BDNF: variants seen among roughly 807,000 people sequenced by gnomAD.
BDNF encodes neurotrophic factor BDNF precursor form.
A neutral mutation model predicts 19.5 loss-of-function variants in BDNF; 1 was observed. The observed-to-expected ratio is 0.05, with a 90% confidence interval of 0.02 to 0.24. The LOEUF (loss-of-function observed/expected upper bound fraction) is 0.24, where lower values mean the gene tolerates loss of function less well. Ranked by LOEUF, BDNF falls within the 10% of genes least tolerant of loss-of-function variation. The pLI, the probability that BDNF is intolerant of heterozygous loss-of-function variation, is 1.00. For missense variants in BDNF, 195 were observed against 317.6 expected (o/e 0.61, Z 2.93); for synonymous variants, 100 against 121.6 (o/e 0.82, Z 1.17).
chr11:27,693,802 T>G (rs1027546370), intron 1 of BDNF, among the ~76,000 whole-genome samples: 1 of 152,182 alleles, frequency 6.6e-6, no homozygotes, highest in African/African-American at 2.4e-5. Context: ...CAAAGGCACA[T>G]GAAGGCAGAA....
At chr11:27,697,164 C>CAGAGAGAGAG (rs72348822) in intron 1 of BDNF, among the ~76,000 whole-genome samples, 142 of 133,162 alleles carry the variant, frequency 1.1e-3, no homozygotes, top group African/African-American at 3.1e-3. Context: ...CACACACACA[C>CAGAGAGAGAG]AGAGAGAGAG....
intron 1 of BDNF, among the ~76,000 whole-genome samples, chr11:27,705,903 C>G (rs1860088783): frequency 6.6e-6 from 1 of 152,170 alleles, no homozygotes; most frequent in Non-Finnish European, 1.5e-5. Context: ...TACATTTTAG[C>G]CCTTTACATG....
Position 27,656,926 on chromosome 11 carries a change from TAAAAC to T in BDNF, c.*890_*894del, listed in dbSNP as rs777469809. The T allele has an allele frequency of 6.1e-4, 596 of 985,018 alleles. 1 individual carries two copies. The highest frequency in any genetic ancestry group is 1.0e-3 in the Middle Eastern group (2 of 1,910). The allele number at this position is 985,018 out of a possible 1,614,324, so 61.0% of individuals were successfully genotyped here. A position where few individuals can be genotyped will look rare whatever the true frequency, so the allele number is the denominator to read the frequency against. On this transcript the variant is annotated 3_prime_UTR_variant, in exon 2 of 2. Transcript: ENST00000356660. ...GAACGCGCAACTGATTTTTCTTCCTTAAAACAAAACAAAGAGGAGACCAGAGGGGG... is the reference window on the plus strand; with the variant it reads ...GAACGCGCAACTGATTTTTCTTCCTTAAAACAAAGAGGAGACCAGAGGGGG...
chr11:27,677,345 T>C (rs1306336123), intron 1 of BDNF: 2 of 152,226 alleles, frequency 1.3e-5, no homozygotes, highest in Non-Finnish European at 2.9e-5. Context: ...AATTGACAGA[T>C]ATAGGTGCAT....
intron 1 of BDNF, among the ~76,000 whole-genome samples, chr11:27,683,858 ATTTT>A (rs1275217449): frequency 4.6e-5 from 7 of 151,564 alleles, no homozygotes; most frequent in Non-Finnish European, 8.9e-5. Context: ...CAGCTTGTTC[ATTTT>A]GCTTAGGATT....
chr11:27,715,439 T>C (rs943859791), intron 1 of BDNF, among the ~76,000 whole-genome samples: 7 of 152,320 alleles, frequency 4.6e-5, no homozygotes, highest in Non-Finnish European at 1.0e-4. Context: ...ATTTGTTTTT[T>C]GGGGAATTAG....
intron 1 of BDNF, among the ~76,000 whole-genome samples, chr11:27,662,792 A>G (rs923331901): frequency 3.9e-5 from 6 of 152,218 alleles, no homozygotes; most frequent in Non-Finnish European, 8.8e-5. Context: ...CTCACTTCCT[A>G]CTGTGCAGCC....
intron 1 of BDNF, among the ~76,000 whole-genome samples, chr11:27,683,477 T>C (rs1857102194): frequency 6.6e-6 from 1 of 152,214 alleles, no homozygotes; most frequent in East Asian, 1.9e-4. Flanking sequence ...ATGAAGTCTT[T>C]GCCATGCCTA....
chr11:27,673,968 A>G (rs1048462505), intron 1 of BDNF: 2 of 1,410,406 alleles, frequency 1.4e-6, no homozygotes, highest in South Asian at 1.6e-5. Flanking sequence ...TCTAGAGACC[A>G]AAGAATAACA....
At position 27,656,517 on chromosome 11, in the gene BDNF, A is replaced by G; in HGVS notation, c.*1304T>C. The G allele has an allele frequency of 6.1e-6, 6 of 982,568 alleles. No homozygotes were observed. The highest frequency in any genetic ancestry group is 7.3e-6 in the Non-Finnish European group (6 of 827,268). The allele number at this position is 982,568 out of a possible 1,614,324, so 60.9% of individuals were successfully genotyped here. On this transcript the variant is annotated 3_prime_UTR_variant, in exon 2 of 2. Transcript: ENST00000356660. ...TGGAATGTCTCAAATACCATGCCCCACCTCCACCTAGACCTTGGGATGGCC... is the reference window on the plus strand; with the variant it reads ...TGGAATGTCTCAAATACCATGCCCCGCCTCCACCTAGACCTTGGGATGGCC...
intron 1 of BDNF, among the ~76,000 whole-genome samples, chr11:27,662,209 C>T (rs1463651912): frequency 1.3e-5 from 2 of 152,152 alleles, no homozygotes; most frequent in African/African-American, 4.8e-5. Context: ...CCATGTTGGC[C>T]GAGCTGGCCT....
chr11:27,719,600 C>A, intron 1 of BDNF: 1 of 984,870 alleles, frequency 1.0e-6, no homozygotes, highest in Non-Finnish European at 1.2e-6. Flanking sequence ...ACCCTCTAAG[C>A]CAGCGCCCGA....
chr11:27,658,589 T>TA lies in BDNF; in HGVS notation c.-21-5dup, dbSNP rs1852873695. Reference sequence around the variant, plus strand: ...TCACTCTTCTCACCTGGTGGAACTGTAGGGAGAAAGCAGAAACAAGACAGA... The same window carrying TA: ...TCACTCTTCTCACCTGGTGGAACTGTAAGGGAGAAAGCAGAAACAAGACAGA... On this transcript the variant is annotated splice_polypyrimidine_tract_variant and splice_region_variant and intron_variant, in intron 1 of 1. Coordinates refer to ENST00000356660, the MANE Select transcript of BDNF (RefSeq NM_001709.5). The surrounding 1 kb of genome is among the most constrained non-coding windows in gnomAD (Gnocchi z 5.7). 2 of 1,614,064 alleles carry TA rather than the reference T, an allele frequency of 1.2e-6. No individual in the cohort carries two copies. Among genetic ancestry groups the TA allele is most frequent in the African/African-American group, 2.7e-5 (2 of 74,930 alleles).
At chr11:27,709,688 G>A (rs1860250135) in intron 1 of BDNF, among the ~76,000 whole-genome samples, 1 of 152,144 alleles carries the variant, frequency 6.6e-6, no homozygotes, top group Non-Finnish European at 1.5e-5. Flanking sequence ...AACTTCACTA[G>A]CCCAAGATTG....
chr11:27,690,596 C>A (rs1401591839), intron 1 of BDNF, among the ~76,000 whole-genome samples: 1 of 152,130 alleles, frequency 6.6e-6, no homozygotes, highest in Non-Finnish European at 1.5e-5. Context: ...CTATACTACA[C>A]ATTTAAGCAA....
chr11:27,699,863 G>A (rs1163291711), intron 1 of BDNF, among the ~76,000 whole-genome samples: 1 of 152,142 alleles, frequency 6.6e-6, no homozygotes, highest in Non-Finnish European at 1.5e-5. Flanking sequence ...GGGCTGCGAG[G>A]GATCCCCGGG....
chr11:27,721,682 C>A, exon 1 of BDNF: 2 of 560,846 alleles, frequency 3.6e-6, no homozygotes, highest in Non-Finnish European at 6.4e-6. Flanking sequence ...GCCCTCACTC[C>A]GAGAGACACG....
chr11:27,700,519 C>CGGGGGGGGGG, upstream of BDNF: 2 of 759,766 alleles, frequency 2.6e-6, no homozygotes, highest in Non-Finnish European at 2.9e-6. Context: ...CAAACGGCGC[C>CGGGGGGGGGG]GCCCCCCCCC....
intron 1 of BDNF, among the ~76,000 whole-genome samples, chr11:27,682,411 A>T (rs10835213): frequency 0.81 from 119,029 of 146,074 alleles, 49,057 homozygotes; most frequent in African/African-American, 0.91. Context: ...TTATTATTAT[A>T]ATAATAATAA....
Sources: allele counts gnomAD v4.1 joint callset (sites outside exome capture counted in the v4.1 genomes callset), GRCh38; gene constraint gnomAD v4.1.1; non-coding constraint Gnocchi (gnomAD v3.1); transcripts MANE v1.5; gene names NCBI Gene and HGNC (gene_info 2026-07-23, HGNC 2026-07-21).